EPB41L4A: variants seen among roughly 807,000 people sequenced by gnomAD.
EPB41L4A encodes the protein erythrocyte membrane protein band 4.1 like 4A.
A neutral mutation model predicts 108.6 loss-of-function variants in EPB41L4A; 100 were observed. The observed-to-expected ratio is 0.92, with a 90% CI of 0.78 to 1.09. The LOEUF is 1.09. Among genes scored for constraint, EPB41L4A ranks in the 50% least tolerant of loss-of-function variants. The pLI is 0.00. For missense variants in EPB41L4A, 1,030 were observed against 842.7 expected (o/e 1.22, Z -2.75); for synonymous variants, 319 against 289.0 (o/e 1.10, Z -1.05).
chr5:112,308,456 G>A (rs1479153794), intron 1 of EPB41L4A, among the ~76,000 whole-genome samples: 1 of 152,144 alleles, frequency 6.6e-6, no homozygotes, highest in Non-Finnish European at 1.5e-5. Flanking sequence ...ATTATAAAAT[G>A]GGCAATATGA....
At chr5:112,251,720 G>T (rs1425579180) in intron 9 of EPB41L4A, among the ~76,000 whole-genome samples, 1 of 152,164 alleles carries the variant, frequency 6.6e-6, no homozygotes, top group East Asian at 1.9e-4. Context: ...TTGAAAGCAA[G>T]TTAACCTTCT....
chr5:112,163,109 A>C lies in EPB41L4A; in HGVS notation c.*1881T>G, dbSNP rs1334498403. The C allele has an allele frequency of 6.6e-6, 1 of 152,226 alleles. No homozygotes were observed. Among genetic ancestry groups the C allele is most frequent in the Non-Finnish European group, 1.5e-5 (1 of 68,054 alleles). The allele number at this position is 152,226 out of a possible 1,614,324, so 9.4% of individuals were successfully genotyped here. Reference sequence around the variant, plus strand: ...ATGGTGGAAAATCAGATTTGCAAGAAAAGGTAGTTGAACTAGGTTGCTTAT... The same window carrying C: ...ATGGTGGAAAATCAGATTTGCAAGACAAGGTAGTTGAACTAGGTTGCTTAT... On this transcript the variant is annotated 3_prime_UTR_variant, in exon 23 of 23. Coordinates refer to ENST00000261486, the MANE Select transcript of EPB41L4A (RefSeq NM_022140.5).
intron 9 of EPB41L4A, among the ~76,000 whole-genome samples, chr5:112,258,689 A>G (rs1751283477): frequency 6.6e-6 from 1 of 152,180 alleles, no homozygotes; most frequent in African/African-American, 2.4e-5. Flanking sequence ...TTCTGTGCCC[A>G]TTACCCAAAT....
chr5:112,315,924 T>C (rs1374014605), intron 1 of EPB41L4A, among the ~76,000 whole-genome samples: 1 of 152,176 alleles, frequency 6.6e-6, no homozygotes, highest in African/African-American at 2.4e-5. Context: ...AATGTAACAA[T>C]ATATTAATTT....
chr5:112,274,114 CAA>C (rs111476984), intron 4 of EPB41L4A, among the ~76,000 whole-genome samples: 2 of 132,576 alleles, frequency 1.5e-5, no homozygotes. Context: ...CATAACAAGA[CAA>C]AAAAAAAAAA....
chr5:112,386,283 C>T (rs1286342944), intron 1 of EPB41L4A, among the ~76,000 whole-genome samples: 1 of 152,218 alleles, frequency 6.6e-6, no homozygotes, highest in Non-Finnish European at 1.5e-5. Flanking sequence ...TCAAACCTTA[C>T]ATAAAATACC....
chr5:112,380,706 G>A (rs867963487), intron 1 of EPB41L4A, among the ~76,000 whole-genome samples: 1 of 151,702 alleles, frequency 6.6e-6, no homozygotes, highest in Non-Finnish European at 1.5e-5. Flanking sequence ...AAGCACAGGG[G>A]AAAAAAATGA....
intron 1 of EPB41L4A, among the ~76,000 whole-genome samples, chr5:112,362,656 T>C (rs1027635561): frequency 2.0e-5 from 3 of 152,174 alleles, no homozygotes; most frequent in Non-Finnish European, 4.4e-5. Flanking sequence ...TAAAAGTTAA[T>C]GTCAACAGCA....
intron 1 of EPB41L4A, among the ~76,000 whole-genome samples, chr5:112,367,593 G>C (rs1030015669): frequency 2.6e-5 from 4 of 152,186 alleles, no homozygotes; most frequent in Non-Finnish European, 5.9e-5. Context: ...TTCCAGGACA[G>C]GGAGGTGCCT....
chr5:112,310,647 T>C (rs776123564), intron 1 of EPB41L4A, among the ~76,000 whole-genome samples: 22 of 152,260 alleles, frequency 1.4e-4, no homozygotes, highest in Admixed American at 3.9e-4. Flanking sequence ...GATGAGTATA[T>C]GATGTTTGTC....
intron 1 of EPB41L4A, among the ~76,000 whole-genome samples, chr5:112,364,737 T>G (rs183233668): frequency 6.6e-6 from 1 of 152,258 alleles, no homozygotes; most frequent in South Asian, 2.1e-4. Flanking sequence ...TTAAGTGCTT[T>G]TGTGTACTAA....
intron 1 of EPB41L4A, among the ~76,000 whole-genome samples, chr5:112,335,877 C>T (rs1756883691): frequency 6.6e-6 from 1 of 152,150 alleles, no homozygotes; most frequent in Non-Finnish European, 1.5e-5. Context: ...TGTTTCTCTC[C>T]CCTCACTCTG....
intron 2 of EPB41L4A, among the ~76,000 whole-genome samples, chr5:112,289,021 TGGTCAGA>T (rs1285790834): frequency 6.6e-6 from 1 of 152,160 alleles, no homozygotes; most frequent in Non-Finnish European, 1.5e-5. Flanking sequence ...AAATAATTTT[TGGTCAGA>T]GGAATCTCAT....
intron 1 of EPB41L4A, among the ~76,000 whole-genome samples, chr5:112,335,467 T>C (rs1011782293): frequency 3.3e-5 from 5 of 152,248 alleles, no homozygotes; most frequent in African/African-American, 1.2e-4. Context: ...AGCAGTCCAG[T>C]AGGTTGAATG....
intron 15 of EPB41L4A, 39 bp from the exon 16 acceptor site, chr5:112,195,747 T>G (rs1761936567): frequency 1.3e-6 from 2 of 1,576,020 alleles, no homozygotes; most frequent in African/African-American, 2.7e-5. Flanking sequence ...AAACAGGAGA[T>G]TATCAATTGG....
At chr5:112,259,747 G>T in intron 8 of EPB41L4A, 144 bp downstream of exon 8, 1 of 649,946 alleles carries the variant, frequency 1.5e-6, no homozygotes, top group Non-Finnish European at 2.8e-6. Context: ...GGTGCAACAG[G>T]AGAAAACTCA....
intron 1 of EPB41L4A, among the ~76,000 whole-genome samples, chr5:112,375,844 A>C (rs1035957924): frequency 3.9e-5 from 6 of 152,152 alleles, no homozygotes; most frequent in Admixed American, 3.9e-4. Flanking sequence ...AACTGACTTC[A>C]CGAATTAGAG....
At chr5:112,231,976 G>A (rs559922513) in intron 12 of EPB41L4A, among the ~76,000 whole-genome samples, 6 of 151,876 alleles carry the variant, frequency 4.0e-5, no homozygotes, top group African/African-American at 1.2e-4. Context: ...TTAGCCGGGC[G>A]TGGTGGCGTA....
chr5:112,244,432 G>A (rs1750056953), intron 9 of EPB41L4A, among the ~76,000 whole-genome samples: 1 of 152,158 alleles, frequency 6.6e-6, no homozygotes, highest in Non-Finnish European at 1.5e-5. Flanking sequence ...GGTGGGTTAA[G>A]GGGTGGAAAG....
Sources: allele counts gnomAD v4.1 joint callset (sites outside exome capture counted in the v4.1 genomes callset), GRCh38; gene constraint gnomAD v4.1.1; transcripts MANE v1.5; gene names NCBI Gene and HGNC (gene_info 2026-07-23, HGNC 2026-07-21).